The following FHDC1 variants were observed in gnomAD, a reference collection of about 807,000 sequenced individuals.
FHDC1 encodes FH2 domain-containing protein 1.
In FHDC1, 25 loss-of-function variants were observed where a neutral mutation model predicts 52.6. The observed-to-expected ratio is 0.48, with a 90% CI of 0.35 to 0.66. The LOEUF is 0.66. Among genes scored for constraint, FHDC1 ranks in the 30% least tolerant of loss-of-function variants. The pLI, the probability that FHDC1 is intolerant of heterozygous loss-of-function variation, is 0.01. For synonymous variants in FHDC1, 616 were observed against 581.5 expected, an observed-to-expected ratio of 1.06 and a Z score of -0.85; for missense variants, 1,459 against 1,452.8, an observed-to-expected ratio of 1.00 and a Z score of -0.07.
intron 6 of FHDC1, among the ~76,000 whole-genome samples, 193 bp downstream of exon 6, chr4:152,961,037 T>C (rs983361990): frequency 6.6e-6 from 1 of 152,208 alleles, no homozygotes; most frequent in African/African-American, 2.4e-5. Flanking sequence ...TGAATGTTAA[T>C]TTACATATTA....
the FHDC1 span, chr4:152,928,063 A>G: frequency 7.2e-7 from 1 of 1,388,776 alleles, no homozygotes; most frequent in African/African-American, 1.4e-5. Context: ...CCTCTGCTGC[A>G]GTCTGTATCA....
rs542298463 is a variant in FHDC1 at position 152,968,080 on chromosome 4, A to C, written c.1201A>C (p.Met401Leu). 6.8e-6 allele frequency: 11 copies of C among 1,613,500 alleles called. No homozygotes were observed. Among genetic ancestry groups the C allele is most frequent in the Middle Eastern group, 1.7e-4 (1 of 6,060 alleles). ...GCGGGATGGTGAACTTTGTCAGCAG[A>C]TGGAAGATTTTCTTCAGGTTTGTAG... The part of the protein sequence containing the change: ...IQRDGELCQQ[M>L]EDFLQFAIEK... Residue 401 changes from methionine (M) to leucine (L), a missense_variant, in exon 10 of 12, where the codon ATG becomes CTG. Around this residue, in one of 3 missense-constraint regions of FHDC1, gnomAD observed 513 missense variants for 581.5 expected, o/e 0.88. Transcript: ENST00000511601.
intron 11 of FHDC1, among the ~76,000 whole-genome samples, chr4:152,972,897 C>T (rs1266131951): frequency 6.6e-6 from 1 of 152,220 alleles, no homozygotes; most frequent in Non-Finnish European, 1.5e-5. Flanking sequence ...TCTTTCTCTC[C>T]CGCTCCCAGA....
At chr4:152,968,123 C>T in intron 10 of FHDC1, 26 bp downstream of exon 10, 1 of 1,553,654 alleles carries the variant, frequency 6.4e-7, no homozygotes, top group Non-Finnish European at 8.9e-7. Context: ...AAGTCAGTCC[C>T]TCTAATCTCA....
In FHDC1 at chr4:152,975,471, T is replaced by C. The variant is rs1019845001; in HGVS notation, c.2180T>C (p.Met727Thr). Residue 727 changes from methionine to threonine, a missense_variant, in exon 12 of 12, where the codon ATG becomes ACG. Coordinates refer to ENST00000511601, the MANE Select transcript of FHDC1 (RefSeq NM_001371116.1). The stretch of plus-strand genomic sequence containing the variant: ...GCCAGCAGCAGCAGCCTGACACCCA[T>C]GGGCAGAGATGCCCTGGGGAGTCTC... Reference protein sequence around the residue: ...LSASSSSLTPMGRDALGSLSP... With the variant: ...LSASSSSLTPTGRDALGSLSP... 1 of 1,613,288 alleles carries C rather than the reference T, an allele frequency of 6.2e-7. No homozygotes were observed. The highest frequency in any genetic ancestry group is 8.5e-7 in the Non-Finnish European group (1 of 1,179,966).
intron 4 of FHDC1, among the ~76,000 whole-genome samples, chr4:152,959,983 G>A (rs900807649): frequency 9.2e-5 from 14 of 152,114 alleles, no homozygotes; most frequent in Admixed American, 7.2e-4. Flanking sequence ...TCTTCCTGCT[G>A]AAGAGCAGAT....
rs1274619873 is a variant in FHDC1, at chr4:152,975,736, G to T, written c.2445G>T (p.Met815Ile). The T allele has an allele frequency of 6.3e-7, 1 of 1,591,640 alleles. No homozygotes were observed. The highest frequency in any genetic ancestry group is 8.6e-7 in the Non-Finnish European group (1 of 1,166,364). ...CCATGTCCTCTGGGGTTGGAGAAAT[G>T]GGGGACAGCCAAGTCTCCTCCAACC... ...DGSMSSGVGE[M>I]GDSQVSSNPT... Residue 815 changes from methionine (M) to isoleucine (I), a missense_variant, in exon 12 of 12, where the codon ATG becomes ATT. This residue lies in a region of FHDC1 where 939 missense variants were observed against 854.5 expected (regional missense o/e 1.10). Transcript: ENST00000511601.
intron 4 of FHDC1, among the ~76,000 whole-genome samples, chr4:152,957,078 T>C (rs139407602): frequency 2.1e-4 from 32 of 152,202 alleles, no homozygotes; most frequent in African/African-American, 7.5e-4. Flanking sequence ...GGATGGAGGT[T>C]GGAGGATGCG....
rs748404336 is a variant in FHDC1, at chr4:152,974,909, C to G, written c.1618C>G (p.Arg540Gly). The change falls in exon 12 of 12, where the codon CGC (arginine) becomes GGC (glycine). Residue 540 changes from arginine to glycine, a missense_variant. By Grantham distance (125) the Arg-to-Gly change is moderately radical (BLOSUM62 -2). Transcript: ENST00000511601. ...CCGGCCCCCGAACACCCGCCGCTCCCGCCTCTCCCTGGGTCCCTCTGCTGA... is the reference window on the plus strand; with the variant it reads ...CCGGCCCCCGAACACCCGCCGCTCCGGCCTCTCCCTGGGTCCCTCTGCTGA... ...SYRPPNTRRSRLSLGPSADRE... is the reference protein window; with the variant it reads ...SYRPPNTRRSGLSLGPSADRE... 1 of 1,611,440 alleles carries G rather than the reference C, an allele frequency of 6.2e-7. No individual in the cohort carries two copies. The highest frequency in any genetic ancestry group is 2.2e-5 in the East Asian group (1 of 44,868).
At chr4:152,918,196 C>T in the FHDC1 span, among the ~76,000 whole-genome samples, 2 of 152,166 alleles carry the variant, frequency 1.3e-5, no homozygotes, top group Non-Finnish European at 2.9e-5. Context: ...TTTCCCCAAA[C>T]ACAAGTAGCT....
intron 2 of FHDC1, among the ~76,000 whole-genome samples, chr4:152,946,051 A>C (rs1246848613): frequency 6.6e-6 from 1 of 152,194 alleles, no homozygotes; most frequent in Non-Finnish European, 1.5e-5. Context: ...TCCGTGTTGT[A>C]GCATGTGTCA....
At chr4:152,973,200 A>G (rs1443928882) in intron 11 of FHDC1, among the ~76,000 whole-genome samples, 1 of 152,238 alleles carries the variant, frequency 6.6e-6, no homozygotes, top group East Asian at 1.9e-4. Flanking sequence ...ACTTTAATTC[A>G]TCAATTGAAA....
Position 152,974,955 on chromosome 4 carries a change from T to C in FHDC1, c.1664T>C (p.Leu555Ser). The change falls in exon 12 of 12, where the codon TTG becomes TCG. Residue 555 changes from leucine to serine, a missense_variant. This residue lies in a region of FHDC1 where 939 missense variants were observed against 854.5 expected (regional missense o/e 1.10). Transcript: ENST00000511601. ...GCTGACCGGGAGCTGCTGACCTTCTTGGAGAGCTCCACCGGCAGCCCTGAG... is the reference window on the plus strand; with the variant it reads ...GCTGACCGGGAGCTGCTGACCTTCTCGGAGAGCTCCACCGGCAGCCCTGAG... Reference protein sequence around the residue: ...PSADRELLTFLESSTGSPEEP... With the variant: ...PSADRELLTFSESSTGSPEEP... 1 of 1,612,438 alleles carries C rather than the reference T, an allele frequency of 6.2e-7. No individual in the cohort carries two copies. Among genetic ancestry groups the C allele is most frequent in the South Asian group, 1.1e-5 (1 of 91,060 alleles).
chr4:152,949,112 TAATAATAATAATAAGAAGAAGAAGAAG>T (rs1377853937), intron 2 of FHDC1, among the ~76,000 whole-genome samples: 38 of 79,992 alleles, frequency 4.8e-4, no homozygotes, highest in East Asian at 1.8e-3. Flanking sequence ...ATAATAATAA[TAATAATAATAATAAGAAGAAGAAGAAG>T]AAGAAGAAGA....
chr4:152,923,298 C>T, the FHDC1 span, among the ~76,000 whole-genome samples: 1 of 152,134 alleles, frequency 6.6e-6, no homozygotes, highest in South Asian at 2.1e-4. Flanking sequence ...ATCCAACTTA[C>T]AAGGGACGTG....
At position 152,960,616 on chromosome 4, in the gene FHDC1, G is replaced by T. The variant is rs746783537; in HGVS notation, c.715G>T (p.Asp239Tyr). 1.9e-6 allele frequency: 3 copies of T among 1,614,174 alleles called. No homozygotes were observed. In the South Asian group the frequency reaches 3.3e-5, roughly 18 times the overall value. The stretch of plus-strand genomic sequence containing the variant: ...CGACGTGTCGAAGCTGTCTCTGGCA[G>T]ATTCCTTTCTGTATGGCTTAATTCA... ...SGDVSKLSLA[D>Y]SFLYGLIQVP... is the part of the protein sequence containing the mutation. Residue 239 changes from aspartate to tyrosine, a missense_variant, in exon 5 of 12, where the codon GAT (aspartate) becomes TAT (tyrosine). By Grantham distance (160) the Asp-to-Tyr change is radical. Around this residue, in one of 3 missense-constraint regions of FHDC1, gnomAD observed 513 missense variants for 581.5 expected, o/e 0.88. Transcript: ENST00000511601.
intron 2 of FHDC1, among the ~76,000 whole-genome samples, chr4:152,949,962 C>T (rs556800875): frequency 9.8e-5 from 15 of 152,332 alleles, no homozygotes; most frequent in Non-Finnish European, 1.6e-4. Flanking sequence ...ACTTCTGTGG[C>T]GGTCCTGCCT....
chr4:152,936,031 G>T (rs1194842438), upstream of FHDC1, among the ~76,000 whole-genome samples: 3 of 151,900 alleles, frequency 2.0e-5, no homozygotes, highest in African/African-American at 7.3e-5. Flanking sequence ...GTCTCCTGCC[G>T]CCCCTACTTC....
Position 152,975,750 on chromosome 4 carries a change from TCTC to T in FHDC1, c.2464_2466del (p.Ser822del), listed in dbSNP as rs778961096. 2.7e-5 allele frequency: 43 copies of T among 1,582,938 alleles called. No homozygotes were observed. The highest frequency in any genetic ancestry group is 4.0e-5 in the African/African-American group (3 of 74,254). On this transcript the variant is annotated inframe_deletion, in exon 12 of 12. Coordinates refer to ENST00000511601, the MANE Select transcript of FHDC1 (RefSeq NM_001371116.1). ...GTTGGAGAAATGGGGGACAGCCAAGTCTCCTCCAACCCTACATCCAGCCCCCCT... is the reference window on the plus strand; with the variant it reads ...GTTGGAGAAATGGGGGACAGCCAAGTCTCCAACCCTACATCCAGCCCCCCT...
Sources: gnomAD v4.1 joint callset for allele counts (sites outside exome capture counted in the v4.1 genomes callset) on GRCh38, gnomAD v4.1.1 for gene constraint, gnomAD v4.1.1 regional missense constraint, MANE v1.5 for transcripts, NCBI Gene and HGNC (gene_info 2026-07-23, HGNC 2026-07-21) for gene names.